NTNG1: variants seen among roughly 807,000 people sequenced by gnomAD.
The protein encoded by NTNG1 is netrin G1, also known as netrin-G1.
In NTNG1, 16 loss-of-function variants were observed where a neutral mutation model predicts 54.0. That is an observed-to-expected ratio of 0.30 (90% confidence interval 0.20 to 0.45). NTNG1 has a LOEUF of 0.45. NTNG1 is among the 20% of genes least tolerant of loss of function. NTNG1 has a pLI of 1.00. For synonymous variants in NTNG1, 255 were observed against 263.1 expected (o/e 0.97, Z 0.30); for missense variants, 530 against 678.7 (o/e 0.78, Z 2.43).
chr1:107,238,697 T>A (rs1238757414), intron 2 of NTNG1, among the ~76,000 whole-genome samples: 1 of 152,140 alleles, frequency 6.6e-6, no homozygotes, highest in Non-Finnish European at 1.5e-5. Context: ...TTTTTTTGCC[T>A]GCTGCCATCC....
Position 107,181,744 on chromosome 1 carries a change from C to G in NTNG1, c.246+32905C>G, listed in dbSNP as rs989658635. On this transcript the variant is annotated intron_variant, in intron 2 of 7. Coordinates refer to ENST00000370068, the MANE Select transcript of NTNG1 (RefSeq NM_001113226.3). ...TGCACTGACTTGGGGCTCCAAGGCTCTCTCATTACTTGGCAATTCCTTTCT... is the reference window on the plus strand; with the variant it reads ...TGCACTGACTTGGGGCTCCAAGGCTGTCTCATTACTTGGCAATTCCTTTCT... 1.3e-5 allele frequency among the ~76,000 whole-genome samples: 2 copies of G among 152,166 alleles called. 1 individual carries two copies. Among genetic ancestry groups the G allele is most frequent in the South Asian group, 4.1e-4 (2 of 4,824 alleles).
At chr1:107,407,645 G>T in intron 4 of NTNG1, 37 bp from the exon 5 acceptor site, 1 of 1,538,096 alleles carries the variant, frequency 6.5e-7, no homozygotes, top group Non-Finnish European at 8.9e-7. Flanking sequence ...CTAATAAATA[G>T]CTAACAGCTT....
intron 2 of NTNG1, among the ~76,000 whole-genome samples, chr1:107,236,583 C>T (rs963051665): frequency 3.3e-5 from 5 of 152,162 alleles, no homozygotes; most frequent in Non-Finnish European, 7.3e-5. Flanking sequence ...TTTATAATGT[C>T]ATATGATTTG....
intron 2 of NTNG1, among the ~76,000 whole-genome samples, chr1:107,245,246 A>G (rs973051211): frequency 5.3e-5 from 8 of 152,250 alleles, no homozygotes; most frequent in Non-Finnish European, 1.0e-4. Flanking sequence ...AATTATCAGC[A>G]TGGCACCTGC....
intron 2 of NTNG1, among the ~76,000 whole-genome samples, chr1:107,191,467 A>T (rs932077751): frequency 6.6e-6 from 1 of 152,012 alleles, no homozygotes; most frequent in African/African-American, 2.4e-5. Flanking sequence ...TTTTGTTGCC[A>T]TTGCTTTTGG....
intron 2 of NTNG1, among the ~76,000 whole-genome samples, chr1:107,161,735 A>G (rs1273999988): frequency 1.3e-5 from 2 of 151,862 alleles, no homozygotes; most frequent in Non-Finnish European, 2.9e-5. Context: ...GTAATGTTAT[A>G]TTGTTTTTGT....
chr1:107,426,994 G>A (rs567341409), intron 5 of NTNG1, among the ~76,000 whole-genome samples: 8 of 152,120 alleles, frequency 5.3e-5, no homozygotes, highest in African/African-American at 1.9e-4. Flanking sequence ...AATATTATTG[G>A]TGTATAGAAA....
chr1:107,428,821 G>A (rs1016683379), intron 5 of NTNG1, among the ~76,000 whole-genome samples: 9 of 152,074 alleles, frequency 5.9e-5, no homozygotes, highest in Non-Finnish European at 1.0e-4. Context: ...AACTCTGAGC[G>A]GTACAGAGGA....
intron 2 of NTNG1, among the ~76,000 whole-genome samples, chr1:107,197,506 C>T (rs4517373): frequency 0.13 from 20,454 of 151,836 alleles, 2,881 homozygotes; most frequent in African/African-American, 0.36. Flanking sequence ...ATATTTAGAC[C>T]CATTGAGTGT....
intron 2 of NTNG1, among the ~76,000 whole-genome samples, chr1:107,214,853 T>C (rs1418420005): frequency 6.6e-6 from 1 of 151,820 alleles, no homozygotes. Flanking sequence ...TATCACATTG[T>C]GGTTTGATTT....
intron 7 of NTNG1, among the ~76,000 whole-genome samples, chr1:107,463,710 A>AT (rs929944515): frequency 1.6e-4 from 24 of 151,942 alleles, no homozygotes; most frequent in African/African-American, 5.8e-4. Flanking sequence ...GGCTTGCAAG[A>AT]TTTTTTTTCA....
intron 3 of NTNG1, among the ~76,000 whole-genome samples, chr1:107,375,528 G>C (rs1671176278): frequency 6.6e-6 from 1 of 152,178 alleles, no homozygotes; most frequent in African/African-American, 2.4e-5. Context: ...TTACTGACAT[G>C]ATCTACAGGG....
At chr1:107,455,275 G>C (rs1676879203) in intron 7 of NTNG1, among the ~76,000 whole-genome samples, 1 of 152,136 alleles carries the variant, frequency 6.6e-6, no homozygotes, top group Non-Finnish European at 1.5e-5. Context: ...TGTTGGTCAG[G>C]CTGGTGTCGA....
intron 3 of NTNG1, among the ~76,000 whole-genome samples, chr1:107,389,772 G>A (rs551049713): frequency 2.4e-4 from 36 of 152,298 alleles, no homozygotes; most frequent in Admixed American, 1.2e-3. Flanking sequence ...AAACAGAATC[G>A]GTGAATAGAC....
chr1:107,241,550 A>G (rs146587160), intron 2 of NTNG1, among the ~76,000 whole-genome samples: 1 of 152,322 alleles, frequency 6.6e-6, no homozygotes, highest in African/African-American at 2.4e-5. Flanking sequence ...TACTAAAAGT[A>G]GTTTAGAGCG....
intron 2 of NTNG1, among the ~76,000 whole-genome samples, chr1:107,215,671 G>A (rs1310476221): frequency 6.6e-6 from 1 of 152,082 alleles, no homozygotes; most frequent in Non-Finnish European, 1.5e-5. Flanking sequence ...CTAGTTCTGT[G>A]AAGAATGATG....
In NTNG1 at chr1:107,464,999, C is replaced by G. The variant is rs754133719; in HGVS notation, c.1391-15612C>G. On this transcript the variant is annotated intron_variant, in intron 7 of 7. Transcript: ENST00000370068. ...CCCACATTCCCCCTCCTTCTCTGTCCTCTTTATCTCCCTCTACTGCCCTTC... is the reference window on the plus strand; with the variant it reads ...CCCACATTCCCCCTCCTTCTCTGTCGTCTTTATCTCCCTCTACTGCCCTTC... Among the ~76,000 whole-genome samples, 9 of 152,250 alleles carry G rather than the reference C, an allele frequency of 5.9e-5. No individual in the cohort carries two copies. In the East Asian group the frequency reaches 1.7e-3, roughly 29 times the overall value.
At chr1:107,421,001 A>C (rs1398930165) in intron 5 of NTNG1, 1 of 928,144 alleles carries the variant, frequency 1.1e-6, no homozygotes, top group East Asian at 2.5e-5. Flanking sequence ...GCTACTTTTC[A>C]AGTGGGTTGG....
intron 2 of NTNG1, among the ~76,000 whole-genome samples, chr1:107,171,971 C>G (rs1284139326): frequency 6.6e-6 from 1 of 151,416 alleles, no homozygotes; most frequent in East Asian, 1.9e-4. Flanking sequence ...AGTGAGAAAT[C>G]TAGGAGTTTT....
Sources: allele counts gnomAD v4.1 joint callset (sites outside exome capture counted in the v4.1 genomes callset), GRCh38; gene constraint gnomAD v4.1.1; transcripts MANE v1.5; gene names NCBI Gene and HGNC (gene_info 2026-07-23, HGNC 2026-07-21).